The following CUX2 variants were observed in gnomAD, a reference collection of about 807,000 sequenced individuals.
CUX2 encodes the protein homeobox protein cut-like 2.
In CUX2, 40 loss-of-function variants were observed where a neutral mutation model predicts 144.8. That is an observed-to-expected ratio of 0.28 (90% confidence interval 0.21 to 0.36). CUX2 has a LOEUF of 0.36. Ranked by LOEUF, CUX2 falls within the 10% of genes least tolerant of loss-of-function variation. The probability of loss-of-function intolerance (pLI) is 1.00; values close to 1 mark genes in which losing one functional copy is unlikely to be tolerated. For synonymous variants in CUX2, 827 were observed against 875.6 expected, an observed-to-expected ratio of 0.94 and a Z score of 0.98; for missense variants, 1,615 against 1,994.0, an observed-to-expected ratio of 0.81 and a Z score of 3.62.
intron 1 of CUX2, among the ~76,000 whole-genome samples, chr12:111,176,885 C>T (rs1878887156): frequency 6.6e-6 from 1 of 152,204 alleles, no homozygotes. Context: ...TTTTCTCAAC[C>T]TCGCACATGA....
chr12:111,292,002 C>A (rs942153447), intron 5 of CUX2, among the ~76,000 whole-genome samples: 1 of 152,150 alleles, frequency 6.6e-6, no homozygotes, highest in Non-Finnish European at 1.5e-5. Flanking sequence ...CACATGGGCG[C>A]CCTCCACAGT....
intron 4 of CUX2, among the ~76,000 whole-genome samples, chr12:111,284,124 G>A (rs1222767021): frequency 6.6e-6 from 1 of 151,996 alleles, no homozygotes; most frequent in Non-Finnish European, 1.5e-5. Context: ...AACCCTGAGG[G>A]TGTCTCATAA....
rs751266219 is a variant in CUX2, at chr12:111,341,896, A to G, written c.3502A>G (p.Ile1168Val). The change falls in exon 21 of 22, where the codon ATC (isoleucine) becomes GTC (valine). Residue 1168 changes from isoleucine to valine, a missense_variant. Coordinates refer to ENST00000261726, the MANE Select transcript of CUX2 (RefSeq NM_015267.4). ...LQPQDLSLLQ[I>V]KKPRVVLAPE... ...GCCCCAGGACCTGAGCCTCCTGCAG[A>G]TCAAGAAGCCCCGGGTGGTGCTGGC... is the stretch of plus-strand genomic sequence containing the variant. 2 of 1,614,060 alleles carry G rather than the reference A, an allele frequency of 1.2e-6. No homozygotes were observed. Among genetic ancestry groups the G allele is most frequent in the South Asian group, 2.2e-5 (2 of 91,074 alleles).
At chr12:111,249,453 T>G (rs576811886) in intron 3 of CUX2, among the ~76,000 whole-genome samples, 67 of 144,806 alleles carry the variant, frequency 4.6e-4, no homozygotes, top group South Asian at 9.0e-4. Context: ...TTGTTTTTTT[T>G]TTTTTTTTTT....
Position 111,295,224 on chromosome 12 carries a change from A to G in CUX2, c.561-109A>G. On this transcript the variant is annotated intron_variant, in intron 6 of 21. Transcript: ENST00000261726. This position sits in a 1 kb window ranked among gnomAD's most constrained non-coding sequence, Gnocchi z 5.0. ...AGGACTTGCAGAAAGACAGAGGTGC[A>G]GGTTACAGGGAGTGGGCAAGGGGTA... 1 of 806,100 alleles carries G rather than the reference A, an allele frequency of 1.2e-6. No individual in the cohort carries two copies. 49.9% of individuals were successfully genotyped at this position (806,100 alleles called of 1,614,324 possible).
chr12:111,251,681 C>T (rs1883567675), intron 3 of CUX2, among the ~76,000 whole-genome samples: 1 of 152,106 alleles, frequency 6.6e-6, no homozygotes, highest in Non-Finnish European at 1.5e-5. Context: ...CTTATTTTTA[C>T]CCTGGGAATA....
At chr12:111,125,470 C>T (rs147136233) in intron 1 of CUX2, among the ~76,000 whole-genome samples, 21 of 152,290 alleles carry the variant, frequency 1.4e-4, no homozygotes, top group East Asian at 3.9e-4. Context: ...TGTGCCACTG[C>T]GCCCGGCCTG....
chr12:111,145,415 T>C (rs1377793633), intron 1 of CUX2, among the ~76,000 whole-genome samples: 1 of 152,208 alleles, frequency 6.6e-6, no homozygotes, highest in African/African-American at 2.4e-5. Flanking sequence ...AGGCCAATGA[T>C]TGGAGTACAG....
chr12:111,312,281 TC>T lies in CUX2; in HGVS notation c.2002+82del. ...GGAGATGAGGCTTCGTCTACCTTTG[TC>T]CACCCCAGAGGGAATCCAAGGTGGA... On this transcript the variant is annotated intron_variant, in intron 16 of 21. Coordinates refer to ENST00000261726, the MANE Select transcript of CUX2 (RefSeq NM_015267.4). This position sits in a 1 kb window ranked among gnomAD's most constrained non-coding sequence, Gnocchi z 4.3. 1.5e-6 allele frequency: 2 copies of T among 1,297,272 alleles called. No individual in the cohort carries two copies. Among genetic ancestry groups the T allele is most frequent in the Non-Finnish European group, 2.2e-6 (2 of 928,048 alleles). The allele number at this position is 1,297,272 out of a possible 1,614,324, so 80.4% of individuals were successfully genotyped here.
chr12:111,047,445 C>T (rs867451086), intron 1 of CUX2, among the ~76,000 whole-genome samples: 13 of 152,234 alleles, frequency 8.5e-5, no homozygotes, highest in Middle Eastern at 6.8e-3. Flanking sequence ...CTCTTTCTTT[C>T]CATGGCAGAC....
intron 4 of CUX2, among the ~76,000 whole-genome samples, chr12:111,268,365 C>T (rs1054087863): frequency 6.6e-6 from 1 of 152,218 alleles, no homozygotes; most frequent in Non-Finnish European, 1.5e-5. Context: ...GCTGGGTCTG[C>T]AGGTGCAGCC....
intron 1 of CUX2, among the ~76,000 whole-genome samples, chr12:111,134,874 G>T (rs1314364485): frequency 2.0e-5 from 3 of 152,122 alleles, no homozygotes; most frequent in African/African-American, 7.2e-5. Context: ...TGTGTGCTTG[G>T]GTTCCTACAG....
At chr12:111,275,154 A>G (rs1375761765) in intron 4 of CUX2, among the ~76,000 whole-genome samples, 1 of 152,110 alleles carries the variant, frequency 6.6e-6, no homozygotes, top group Non-Finnish European at 1.5e-5. Context: ...TTTACTAAGT[A>G]GTTTGTGCCC....
Position 111,320,869 on chromosome 12 carries a change from G to T in CUX2, c.2766+94G>T. The T allele has an allele frequency of 2.3e-6, 3 of 1,314,204 alleles. No homozygotes were observed. Among genetic ancestry groups the T allele is most frequent in the Non-Finnish European group, 3.0e-6 (3 of 1,010,012 alleles). The allele number at this position is 1,314,204 out of a possible 1,614,324, so 81.4% of individuals were successfully genotyped here. On this transcript the variant is annotated intron_variant, in intron 17 of 21. Transcript: ENST00000261726. This position sits in a 1 kb window ranked among gnomAD's most constrained non-coding sequence, Gnocchi z 8.1. ...CAAGCAGGCTGGCGGGACCCCAGGGGCCCAGGCCCTTCATTCCTGAGTCCT... is the reference window on the plus strand; with the variant it reads ...CAAGCAGGCTGGCGGGACCCCAGGGTCCCAGGCCCTTCATTCCTGAGTCCT...
intron 16 of CUX2, among the ~76,000 whole-genome samples, chr12:111,314,412 G>A (rs894707423): frequency 2.6e-5 from 4 of 152,048 alleles, no homozygotes; most frequent in Non-Finnish European, 4.4e-5. Flanking sequence ...AGGCCAAGGC[G>A]GGCAGATCAC....
At chr12:111,048,441 A>G (rs1870102006) in intron 1 of CUX2, among the ~76,000 whole-genome samples, 1 of 152,200 alleles carries the variant, frequency 6.6e-6, no homozygotes, top group African/African-American at 2.4e-5. Flanking sequence ...TACCCCCAGC[A>G]AGGTGGGAGC....
At chr12:111,314,704 TGTG>T (rs964567625) in intron 16 of CUX2, among the ~76,000 whole-genome samples, 1 of 134,442 alleles carries the variant, frequency 7.4e-6, no homozygotes, top group Admixed American at 7.9e-5. Flanking sequence ...ATTAGCTAGG[TGTG>T]GTGGCACACA....
At chr12:111,170,039 A>C (rs138627714) in intron 1 of CUX2, among the ~76,000 whole-genome samples, 170 of 152,302 alleles carry the variant, frequency 1.1e-3, no homozygotes, top group Non-Finnish European at 2.2e-3. Flanking sequence ...GGAAGAATTT[A>C]AGGAAACTGC....
intron 18 of CUX2, among the ~76,000 whole-genome samples, chr12:111,325,609 T>C (rs915226202): frequency 2.0e-5 from 3 of 150,272 alleles, no homozygotes; most frequent in Non-Finnish European, 4.4e-5. Context: ...CCATCCTTTT[T>C]TGTTTATAGT....
Sources: gnomAD v4.1 joint callset for allele counts (sites outside exome capture counted in the v4.1 genomes callset) on GRCh38, gnomAD v4.1.1 for gene constraint, Gnocchi (gnomAD v3.1) non-coding constraint, MANE v1.5 for transcripts, NCBI Gene and HGNC (gene_info 2026-07-23, HGNC 2026-07-21) for gene names.